Variants in SPTBN4 observed in about 807,000 individuals in gnomAD.
The protein encoded by SPTBN4 is spectrin beta, non-erythrocytic 4.
A neutral mutation model predicts 277.8 loss-of-function variants in SPTBN4; 96 were observed. The ratio of observed to expected loss-of-function variants is 0.35; its 90% CI spans 0.29 to 0.41. SPTBN4 has a LOEUF of 0.41. SPTBN4 is among the 10% of genes least tolerant of loss of function. The pLI is 1.00. For synonymous variants in SPTBN4, 1,481 were observed against 1,580.3 expected (o/e 0.94, Z 1.49); for missense variants, 3,006 against 3,595.7 (o/e 0.84, Z 4.19).
chr19:40,512,560 C>G, intron 13 of SPTBN4, 46 bp from the exon 14 acceptor site: 1 of 1,476,254 alleles, frequency 6.8e-7, no homozygotes. Context: ...CTTGGGCGCC[C>G]CTTGGCTTGT....
intron 2 of SPTBN4, among the ~76,000 whole-genome samples, chr19:40,473,069 C>T (rs1040502477): frequency 6.6e-6 from 1 of 151,864 alleles, no homozygotes; most frequent in Non-Finnish European, 1.5e-5. Flanking sequence ...TTTTTTGAGA[C>T]AGAGTCTTAT....
At position 40,560,070 on chromosome 19, in the gene SPTBN4, T is replaced by A; in HGVS notation, c.5671-89T>A. 6.9e-7 allele frequency: 1 copy of A among 1,459,026 alleles called. No homozygotes were observed. Among genetic ancestry groups the A allele is most frequent in the Non-Finnish European group, 9.0e-7 (1 of 1,110,138 alleles). 90.4% of individuals were successfully genotyped at this position (1,459,026 alleles called of 1,614,324 possible). A position where few individuals can be genotyped will look rare whatever the true frequency, so the allele number is the denominator to read the frequency against. ...ATCACAGTGTGAGGCTCCTTATATC[T>A]TGAGGTTCTGCGCTGGAGCAGATGG... On this transcript the variant is annotated intron_variant, in intron 26 of 35. Transcript: ENST00000598249. The surrounding 1 kb of genome is among the most constrained non-coding windows in gnomAD (Gnocchi z 5.2).
chr19:40,545,673 C>T lies in SPTBN4; in HGVS notation c.4360-3516C>T, dbSNP rs1031434615. Among the ~76,000 whole-genome samples the T allele has an allele frequency of 2.4e-4, 36 of 152,054 alleles. 1 individual carries two copies. Among genetic ancestry groups the T allele is most frequent in the Non-Finnish European group, 2.2e-4 (15 of 67,988 alleles). On this transcript the variant is annotated intron_variant, in intron 20 of 35. Coordinates refer to ENST00000598249, the MANE Select transcript of SPTBN4 (RefSeq NM_020971.3). ...CTGTAATCCCAGCACTTTGGGAGGC[C>T]GAGGTGGGTGGATCACCTGTAGTCA...
Position 40,513,415 on chromosome 19 carries a change from T to G in SPTBN4, c.2626T>G (p.Trp876Gly). ...CGAAGTGGCGGCGCTGAGGCGCCAG[T>G]GGCTGCGGGACGCGCTCGCTGTCTA... is the stretch of plus-strand genomic sequence containing the variant. ...VTEVAALRRQ[W>G]LRDALAVYRM... Residue 876 changes from tryptophan (W) to glycine (G), a missense_variant, in exon 14 of 36, where the codon TGG (tryptophan) becomes GGG (glycine). By Grantham distance (184) the Trp-to-Gly change is radical. Transcript: ENST00000598249. 2 of 1,604,392 alleles carry G rather than the reference T, an allele frequency of 1.2e-6. No individual in the cohort carries two copies. The highest frequency in any genetic ancestry group is 4.5e-5 in the East Asian group (2 of 44,652).
chr19:40,497,374 C>A, intron 6 of SPTBN4, 115 bp from the exon 7 acceptor site: 1 of 738,970 alleles, frequency 1.4e-6, no homozygotes, highest in Non-Finnish European at 2.4e-6. Flanking sequence ...CTTGGCTAGA[C>A]TGTGCCCTTC....
intron 4 of SPTBN4, among the ~76,000 whole-genome samples, chr19:40,492,463 G>A (rs1568770812): frequency 6.6e-6 from 1 of 152,134 alleles, no homozygotes; most frequent in African/African-American, 2.4e-5. Context: ...CAGCAGGTAT[G>A]GAGTGGAGTG....
chr19:40,510,127 C>G (rs973063628), intron 13 of SPTBN4, among the ~76,000 whole-genome samples: 1 of 152,070 alleles, frequency 6.6e-6, no homozygotes, highest in African/African-American at 2.4e-5. Context: ...AGAGTGTGAG[C>G]TCCTGATGGG....
rs2081109661 is a variant in SPTBN4 at position 40,567,762 on chromosome 19, C to T, written c.6436C>T (p.Pro2146Ser). The T allele has an allele frequency of 1.3e-6, 2 of 1,541,074 alleles. No homozygotes were observed. Among genetic ancestry groups the T allele is most frequent in the Non-Finnish European group, 1.7e-6 (2 of 1,144,098 alleles). ...CACGGAACTGGCGGCCAAGGCGGCG[C>T]CCCTGCTGCGGCCAGGGGGCTATGA... Reference protein sequence around the residue: ...DPTELAAKAAPLLRPGGYERG... With the variant: ...DPTELAAKAASLLRPGGYERG... The change falls in exon 31 of 36, where the codon CCC (proline) becomes TCC (serine). Residue 2146 changes from proline (P) to serine (S), a missense_variant. Pro to Ser is a moderately conservative substitution (Grantham distance 74). This residue lies in a region of SPTBN4 where 630 missense variants were observed against 677.6 expected (regional missense o/e 0.93). Coordinates refer to ENST00000598249, the MANE Select transcript of SPTBN4 (RefSeq NM_020971.3).
rs369222130 is a variant in SPTBN4 at position 40,502,461 on chromosome 19, G to A, written c.1157G>A (p.Arg386His). 24 of 1,613,416 alleles carry A rather than the reference G, an allele frequency of 1.5e-5. No homozygotes were observed. The East Asian group carries it at 2.2e-4, about 15-fold the overall frequency. Reference sequence around the variant, plus strand: ...AGCAAACTGCGTGCCTGCAACCGTCGCCTCTTTGTGCCTCGGGAGGGCTGT... The same window carrying A: ...AGCAAACTGCGTGCCTGCAACCGTCACCTCTTTGTGCCTCGGGAGGGCTGT... Reference protein sequence around the residue: ...IQSKLRACNRRLFVPREGCGI... With the variant: ...IQSKLRACNRHLFVPREGCGI... Residue 386 changes from arginine to histidine, a missense_variant, in exon 10 of 36, where the codon CGC becomes CAC. By Grantham distance (29) the Arg-to-His change is conservative. Around this residue, in one of 5 missense-constraint regions of SPTBN4, gnomAD observed 1,759 missense variants for 2,061.5 expected, o/e 0.85. Coordinates refer to ENST00000598249, the MANE Select transcript of SPTBN4 (RefSeq NM_020971.3). This position sits in a 1 kb window ranked among gnomAD's most constrained non-coding sequence, Gnocchi z 4.9.
At chr19:40,471,905 ATTTTTTTT>A (rs34333509) in intron 1 of SPTBN4, among the ~76,000 whole-genome samples, 2 of 109,386 alleles carry the variant, frequency 1.8e-5, no homozygotes, top group Admixed American at 1.1e-4. Flanking sequence ...ACATCCAGCT[ATTTTTTTT>A]TTTTTTTTTT....
In SPTBN4 at chr19:40,515,434, C is replaced by T; in HGVS notation, c.2889C>T (p.Asp963=). The T allele has an allele frequency of 1.3e-6, 2 of 1,564,604 alleles. No individual in the cohort carries two copies. The highest frequency in any genetic ancestry group is 1.7e-6 in the Non-Finnish European group (2 of 1,154,300). ...PSSDEVRSCQ[D]HLNSRWNRIV... The stretch of plus-strand genomic sequence containing the variant: ...CAGATGAGGTGCGTTCCTGCCAGGA[C>T]CACCTCAACAGCAGGTAGGAGGGCC... The change falls in exon 15 of 36, where the codon GAC becomes GAT. Residue 963 remains aspartate (D), a synonymous_variant. Coordinates refer to ENST00000598249, the MANE Select transcript of SPTBN4 (RefSeq NM_020971.3). The surrounding 1 kb of genome is among the most constrained non-coding windows in gnomAD (Gnocchi z 4.1).
chr19:40,510,373 C>T (rs538679178), intron 13 of SPTBN4, among the ~76,000 whole-genome samples: 11 of 152,002 alleles, frequency 7.2e-5, no homozygotes, highest in South Asian at 4.2e-4. Context: ...GGCACTATCT[C>T]GGCTCACTGC....
At position 40,550,244 on chromosome 19, in the gene SPTBN4, G is replaced by C. The variant is rs763212881; in HGVS notation, c.4591G>C (p.Val1531Leu). The change falls in exon 22 of 36, where the codon GTT (valine) becomes CTT (leucine). Residue 1531 changes from valine to leucine, a missense_variant. Coordinates refer to ENST00000598249, the MANE Select transcript of SPTBN4 (RefSeq NM_020971.3). ...AHDLDDELAW[V>L]QERLPLAMQT... ...CTTCCTGTGTCCTCTCCAGGCATGG[G>C]TTCAGGAGCGGCTGCCACTGGCCAT... 1.2e-5 allele frequency: 19 copies of C among 1,613,692 alleles called. No homozygotes were observed. The highest frequency in any genetic ancestry group is 1.5e-5 in the Non-Finnish European group (18 of 1,180,002).
chr19:40,486,516 C>A (rs1368494590), intron 2 of SPTBN4, among the ~76,000 whole-genome samples: 1 of 151,954 alleles, frequency 6.6e-6, no homozygotes, highest in Non-Finnish European at 1.5e-5. Flanking sequence ...ACTACAGGGG[C>A]ATTCCACCCT....
chr19:40,561,096 C>T (rs2081038187), intron 27 of SPTBN4, among the ~76,000 whole-genome samples: 1 of 152,164 alleles, frequency 6.6e-6, no homozygotes, highest in African/African-American at 2.4e-5. Context: ...TCACTGCAAC[C>T]TCCGTCTCCC....
chr19:40,468,623 A>G (rs1307018764), intron 1 of SPTBN4, among the ~76,000 whole-genome samples: 1 of 151,816 alleles, frequency 6.6e-6, no homozygotes, highest in Non-Finnish European at 1.5e-5. Context: ...CAAGTGATCC[A>G]CCTACCTTGA....
intron 2 of SPTBN4, among the ~76,000 whole-genome samples, chr19:40,475,040 C>T (rs751643263): frequency 2.3e-4 from 35 of 151,984 alleles, no homozygotes; most frequent in Non-Finnish European, 4.9e-4. Context: ...TAGTAGTCAC[C>T]CTACTTTGAT....
chr19:40,554,137 C>A lies in SPTBN4; in HGVS notation c.4675-10C>A. ...CTCTCCACCCACATCCCCTTACCTCCTGCCCCCAGGGCCTGCGGCGGGAGA... is the reference window on the plus strand; with the variant it reads ...CTCTCCACCCACATCCCCTTACCTCATGCCCCCAGGGCCTGCGGCGGGAGA... On this transcript the variant is annotated splice_polypyrimidine_tract_variant and intron_variant, in intron 22 of 35. Coordinates refer to ENST00000598249, the MANE Select transcript of SPTBN4 (RefSeq NM_020971.3). The surrounding 1 kb of genome is among the most constrained non-coding windows in gnomAD (Gnocchi z 5.7). The A allele has an allele frequency of 7.0e-7, 1 of 1,437,150 alleles. No homozygotes were observed. Among genetic ancestry groups the A allele is most frequent in the Non-Finnish European group, 9.0e-7 (1 of 1,111,114 alleles). The allele number at this position is 1,437,150 out of a possible 1,614,324, so 89.0% of individuals were successfully genotyped here.
chr19:40,554,004 T>G lies in SPTBN4; in HGVS notation c.4675-143T>G. 1 of 838,358 alleles carries G rather than the reference T, an allele frequency of 1.2e-6. No individual in the cohort carries two copies. 51.9% of individuals were successfully genotyped at this position (838,358 alleles called of 1,614,324 possible). ...AGTGAGGGAGTATCAGCAAAATGTT[T>G]ACATGGTCTTGGCACGTGGTTAGCG... On this transcript the variant is annotated intron_variant, in intron 22 of 35. Coordinates refer to ENST00000598249, the MANE Select transcript of SPTBN4 (RefSeq NM_020971.3). The surrounding 1 kb of genome is among the most constrained non-coding windows in gnomAD (Gnocchi z 5.7).
Sources: gnomAD v4.1 joint callset for allele counts (sites outside exome capture counted in the v4.1 genomes callset) on GRCh38, gnomAD v4.1.1 for gene constraint, gnomAD v4.1.1 regional missense constraint, Gnocchi (gnomAD v3.1) non-coding constraint, MANE v1.5 for transcripts, NCBI Gene and HGNC (gene_info 2026-07-23, HGNC 2026-07-21) for gene names.